Variants in USP42 observed in about 807,000 individuals in gnomAD.
USP42 encodes the protein ubiquitin specific peptidase 42.
In USP42, 23 loss-of-function variants were observed where a neutral mutation model predicts 113.0. That is an observed-to-expected ratio of 0.20 (90% CI 0.15 to 0.29). The LOEUF (loss-of-function observed/expected upper bound fraction) is 0.29, where lower values mean the gene tolerates loss of function less well. Ranked by LOEUF, USP42 falls within the 10% of genes least tolerant of loss-of-function variation. The pLI is 1.00. For synonymous variants in USP42, 933 were observed against 699.0 expected, an observed-to-expected ratio of 1.33 and a Z score of -5.28; for missense variants, 2,174 against 1,779.8, an observed-to-expected ratio of 1.22 and a Z score of -3.99.
intron 1 of USP42, among the ~76,000 whole-genome samples, chr7:6,106,574 T>G (rs1437003926): frequency 6.6e-6 from 1 of 152,180 alleles, no homozygotes. Context: ...ATGTTCATGT[T>G]GTTTTTTTGA....
the USP42 span, among the ~76,000 whole-genome samples, chr7:6,097,469 T>C: frequency 2.0e-5 from 3 of 147,414 alleles, no homozygotes; most frequent in Admixed American, 6.9e-5. Flanking sequence ...TGCCGTTGCA[T>C]GATCATAGCT....
At chr7:6,143,682 G>A (rs933185022) in intron 8 of USP42, among the ~76,000 whole-genome samples, 1 of 151,700 alleles carries the variant, frequency 6.6e-6, no homozygotes, top group Non-Finnish European at 1.5e-5. Flanking sequence ...TTTGTTTCTG[G>A]TTAGGGCTCT....
At chr7:6,144,028 C>CCA (rs1421223556) in intron 8 of USP42, 57 bp from the exon 9 acceptor site, 4 of 1,166,586 alleles carry the variant, frequency 3.4e-6, no homozygotes, top group African/African-American at 3.2e-5. Context: ...GACCAAAATA[C>CCA]CACAAATTGT....
chr7:6,098,632 A>C, the USP42 span, among the ~76,000 whole-genome samples: 1 of 149,652 alleles, frequency 6.7e-6, no homozygotes. Flanking sequence ...GCTCACTGCA[A>C]CCTCCGCCTC....
In USP42 at chr7:6,121,866, G is replaced by T. The variant is rs192890374; in HGVS notation, c.442+6343G>T. Among the ~76,000 whole-genome samples, 67 of 152,178 alleles carry T rather than the reference G, an allele frequency of 4.4e-4. 1 individual carries two copies. The East Asian group carries it at 0.012, about 26-fold the overall frequency. On this transcript the variant is annotated intron_variant, in intron 3 of 17. Transcript: ENST00000306177. ...TGTAGAGACGAGGTCTCACTATGTTGCCCAGGGTAGTCTTGAACTCCTGGC... is the reference window on the plus strand; with the variant it reads ...TGTAGAGACGAGGTCTCACTATGTTTCCCAGGGTAGTCTTGAACTCCTGGC...
chr7:6,144,054 T>G lies in USP42; in HGVS notation c.879-31T>G, dbSNP rs542221624. 149 of 1,396,194 alleles carry G rather than the reference T, an allele frequency of 1.1e-4. No individual in the cohort carries two copies. In the Middle Eastern group the frequency reaches 2.2e-3, roughly 21 times the overall value. The allele number at this position is 1,396,194 out of a possible 1,614,324, so 86.5% of individuals were successfully genotyped here. A position where few individuals can be genotyped will look rare whatever the true frequency, so the allele number is the denominator to read the frequency against. ...CACAAATTGTGTGTATATATTCGTC[T>G]TCTTATACTTTTGTTTCTGTTTGTT... On this transcript the variant is annotated intron_variant, in intron 8 of 17. Coordinates refer to ENST00000306177, the MANE Select transcript of USP42 (RefSeq NM_032172.3).
rs748410824 is a variant in USP42 at position 6,154,082 on chromosome 7, C to T, written c.2528C>T (p.Pro843Leu). ...GCAAAGGGGATGATCGCGGAGGGCC[C>T]GCGGGACTCGGCGTTGGCGGAAGCC... is the stretch of plus-strand genomic sequence containing the variant. Reference protein sequence around the residue: ...QDAKGMIAEGPRDSALAEAPE... With the variant: ...QDAKGMIAEGLRDSALAEAPE... Residue 843 changes from proline to leucine, a missense_variant, in exon 15 of 18, where the codon CCG (proline) becomes CTG (leucine). Transcript: ENST00000306177. 51 of 1,605,608 alleles carry T rather than the reference C, an allele frequency of 3.2e-5. No homozygotes were observed. The highest frequency in any genetic ancestry group is 4.4e-5 in the South Asian group (4 of 91,010).
the USP42 span, chr7:6,085,054 T>C: frequency 6.6e-6 from 1 of 151,040 alleles, no homozygotes; most frequent in Non-Finnish European, 1.5e-5. Context: ...ACCCTACTTT[T>C]CTCCCTGGCA....
chr7:6,111,155 T>G lies in USP42; in HGVS notation c.22T>G (p.Ser8Ala), dbSNP rs759827661. 28 of 1,612,630 alleles carry G rather than the reference T, an allele frequency of 1.7e-5. No homozygotes were observed. The highest frequency in any genetic ancestry group is 1.6e-4 in the Middle Eastern group (1 of 6,072). Residue 8 changes from serine (S) to alanine (A), a missense_variant, in exon 2 of 18, where the codon TCT becomes GCT. Transcript: ENST00000306177. MTIVDKA[S>A]ESSDPSAYQN... Reference sequence around the variant, plus strand: ...AACAATGACCATAGTTGACAAAGCTTCTGAATCTTCAGACCCATCAGCCTA... The same window carrying G: ...AACAATGACCATAGTTGACAAAGCTGCTGAATCTTCAGACCCATCAGCCTA...
rs1167464791 is a variant in USP42 at position 6,154,124 on chromosome 7, C to G, written c.2570C>G (p.Pro857Arg). Residue 857 changes from proline to arginine, a missense_variant, in exon 15 of 18, where the codon CCG becomes CGG. Physicochemically the swap from Pro to Arg is moderately radical, Grantham distance 103 (BLOSUM62 -2). Transcript: ENST00000306177. ...ALAEAPEGLS[P>R]APPARSEEPC... is the part of the protein sequence containing the mutation. ...GCGGAAGCCCCGGAAGGGTTGAGTC[C>G]GGCTCCGCCTGCGCGGTCGGAGGAG... 2 of 1,600,024 alleles carry G rather than the reference C, an allele frequency of 1.2e-6. No homozygotes were observed. The highest frequency in any genetic ancestry group is 1.7e-6 in the Non-Finnish European group (2 of 1,175,366).
chr7:6,110,606 TA>T (rs534395413), intron 1 of USP42, among the ~76,000 whole-genome samples: 5 of 152,178 alleles, frequency 3.3e-5, no homozygotes, highest in African/African-American at 9.7e-5. Flanking sequence ...ATTATAATTT[TA>T]AAAAATATAA....
At chr7:6,143,426 G>C (rs901470021) in intron 8 of USP42, among the ~76,000 whole-genome samples, 1 of 152,152 alleles carries the variant, frequency 6.6e-6, no homozygotes, top group African/African-American at 2.4e-5. Context: ...TTCTCTCTTA[G>C]GGTGGGTTCC....
intron 3 of USP42, among the ~76,000 whole-genome samples, chr7:6,123,740 C>T (rs529612042): frequency 7.6e-5 from 11 of 145,630 alleles, no homozygotes; most frequent in Admixed American, 5.5e-4. Context: ...CTTAGCTACT[C>T]GGGAGGCCGA....
chr7:6,156,600 C>T (rs1170646652), intron 15 of USP42, among the ~76,000 whole-genome samples, 154 bp from the exon 16 acceptor site: 1 of 151,958 alleles, frequency 6.6e-6, no homozygotes, highest in Non-Finnish European at 1.5e-5. Flanking sequence ...CAGGTGTGCG[C>T]CACCATACCT....
In USP42 at chr7:6,161,034, T is replaced by C. The variant is rs1443488665; in HGVS notation, c.*516T>C. 6.5e-6 allele frequency: 1 copy of C among 152,680 alleles called. No individual in the cohort carries two copies. The highest frequency in any genetic ancestry group is 1.5e-5 in the Non-Finnish European group (1 of 68,044). 9.5% of individuals were successfully genotyped at this position (152,680 alleles called of 1,614,324 possible). A position where few individuals can be genotyped will look rare whatever the true frequency, so the allele number is the denominator to read the frequency against. ...GTAATGTCTGATACTAGAAACTAAT[T>C]TGCTTATTTTAGTTGTATTCAAGAT... is the stretch of plus-strand genomic sequence containing the variant. On this transcript the variant is annotated 3_prime_UTR_variant, in exon 18 of 18. Coordinates refer to ENST00000306177, the MANE Select transcript of USP42 (RefSeq NM_032172.3).
At chr7:6,081,523 G>GT in the USP42 span, 2 of 152,376 alleles carry the variant, frequency 1.3e-5, no homozygotes, top group African/African-American at 4.8e-5. Flanking sequence ...TTCTCCAGAC[G>GT]TAAGACCCGC....
intron 4 of USP42, among the ~76,000 whole-genome samples, chr7:6,138,868 TC>T (rs149164995): frequency 0.073 from 11,046 of 152,198 alleles, 499 homozygotes; most frequent in African/African-American, 0.12. Flanking sequence ...AAAATGGTCT[TC>T]CGTGAAACCA....
chr7:6,117,146 G>A (rs1054405275), intron 3 of USP42, among the ~76,000 whole-genome samples: 1 of 152,070 alleles, frequency 6.6e-6, no homozygotes, highest in African/African-American at 2.4e-5. Context: ...TAATGAACAT[G>A]TTCATCACCC....
intron 3 of USP42, among the ~76,000 whole-genome samples, chr7:6,130,885 C>T (rs1324331669): frequency 1.3e-5 from 2 of 152,076 alleles, no homozygotes; most frequent in Non-Finnish European, 2.9e-5. Context: ...TGGCCAGAGC[C>T]TTCGTTGAGG....
Sources: gnomAD v4.1 joint callset for allele counts (sites outside exome capture counted in the v4.1 genomes callset) on GRCh38, gnomAD v4.1.1 for gene constraint, MANE v1.5 for transcripts, NCBI Gene and HGNC (gene_info 2026-07-23, HGNC 2026-07-21) for gene names.